CSMD1: variants seen among roughly 807,000 people sequenced by gnomAD.
CSMD1 encodes the protein CUB and Sushi multiple domains 1, also known as CUB and sushi domain-containing protein 1.
In CSMD1, 213 loss-of-function variants were observed where a neutral mutation model predicts 417.5. The observed-to-expected ratio is 0.51, with a 90% CI of 0.46 to 0.57. The LOEUF (loss-of-function observed/expected upper bound fraction) is 0.57. Among genes scored for constraint, CSMD1 ranks in the 20% least tolerant of loss-of-function variants. CSMD1 has a pLI of 0.00. For missense variants in CSMD1, 6,923 were observed against 4,529.7 expected (o/e 1.53, Z -15.17); for synonymous variants, 2,862 against 1,736.8 (o/e 1.65, Z -16.11).
chr8:3,536,558 G>A (rs961044186), intron 10 of CSMD1, among the ~76,000 whole-genome samples: 4 of 152,160 alleles, frequency 2.6e-5, no homozygotes, highest in South Asian at 4.2e-4. Flanking sequence ...CCTGGTTCCT[G>A]GTAGAAATTC....
chr8:3,999,429 T>C (rs537123561), intron 4 of CSMD1, among the ~76,000 whole-genome samples: 1 of 152,204 alleles, frequency 6.6e-6, no homozygotes, highest in Non-Finnish European at 1.5e-5. Flanking sequence ...AGTTCCAATA[T>C]TTCTTTCATC....
At chr8:4,157,391 G>A (rs1009575907) in intron 3 of CSMD1, among the ~76,000 whole-genome samples, 1 of 152,268 alleles carries the variant, frequency 6.6e-6, no homozygotes, top group Admixed American at 6.5e-5. Context: ...CAGCTCAAAG[G>A]TTGAATTGAA....
chr8:3,394,155 A>G (rs1242558746), intron 17 of CSMD1, among the ~76,000 whole-genome samples: 2 of 145,552 alleles, frequency 1.4e-5, no homozygotes, highest in Non-Finnish European at 1.5e-5. Context: ...TAAACACAGG[A>G]TAAATGAAAA....
intron 3 of CSMD1, among the ~76,000 whole-genome samples, chr8:4,163,629 C>G (rs756825315): frequency 6.6e-6 from 1 of 151,998 alleles, no homozygotes; most frequent in African/African-American, 2.4e-5. Context: ...TGTTGACTAT[C>G]TACATATGGT....
chr8:3,686,908 G>C (rs749533900), intron 7 of CSMD1, among the ~76,000 whole-genome samples: 6 of 152,134 alleles, frequency 3.9e-5, no homozygotes, highest in Non-Finnish European at 8.8e-5. Context: ...GGCCGTAAGA[G>C]GACAGAGTAG....
At position 4,806,709 on chromosome 8, in the gene CSMD1, T is replaced by G. The variant is rs573725306; in HGVS notation, c.86-169151A>C. ...GTGCCTGTGAGTTTCATGTAGAGTA[T>G]GCTTTGTTGAGCCCATTCATTGAAC... On this transcript the variant is annotated intron_variant, in intron 1 of 69. Coordinates refer to ENST00000635120, the MANE Select transcript of CSMD1 (RefSeq NM_033225.6). Among the ~76,000 whole-genome samples the G allele has an allele frequency of 6.6e-5, 10 of 152,354 alleles. No homozygotes were observed. In the South Asian group the frequency reaches 1.7e-3, roughly 25 times the overall value.
chr8:4,451,730 TACA>T (rs756846012), intron 2 of CSMD1, among the ~76,000 whole-genome samples: 5 of 151,988 alleles, frequency 3.3e-5, no homozygotes, highest in African/African-American at 4.8e-5. Context: ...TAAAACAAAT[TACA>T]ACAACAAGGC....
intron 21 of CSMD1, among the ~76,000 whole-genome samples, chr8:3,354,919 C>CTATCTATATATATCTA (rs1808671478): frequency 7.1e-6 from 1 of 141,572 alleles, no homozygotes; most frequent in South Asian, 2.2e-4. Context: ...ATAGATATGT[C>CTATCTATATATATCTA]TATCTATAGA....
At chr8:4,328,042 G>C (rs1028733011) in intron 3 of CSMD1, among the ~76,000 whole-genome samples, 10 of 152,006 alleles carry the variant, frequency 6.6e-5, no homozygotes, top group African/African-American at 2.4e-5. Context: ...TCAGTTATTG[G>C]TGATCCAAGT....
intron 3 of CSMD1, among the ~76,000 whole-genome samples, chr8:4,189,803 T>C (rs1008547274): frequency 2.0e-5 from 3 of 152,172 alleles, no homozygotes; most frequent in Admixed American, 6.5e-5. Context: ...CTTGTTGCCA[T>C]ATATTAAGGT....
intron 2 of CSMD1, among the ~76,000 whole-genome samples, chr8:4,571,669 G>A (rs2959177): frequency 0.41 from 61,605 of 151,888 alleles, 13,159 homozygotes; most frequent in East Asian, 0.53. Context: ...CTGAGTTCAA[G>A]TCCTGAATAT....
At chr8:4,532,713 G>C (rs913920369) in intron 2 of CSMD1, among the ~76,000 whole-genome samples, 2 of 117,014 alleles carry the variant, frequency 1.7e-5, no homozygotes, top group African/African-American at 6.7e-5. Flanking sequence ...AAGAAATCCT[G>C]CACCCCCATT....
chr8:4,311,196 A>C (rs768092879), intron 3 of CSMD1, among the ~76,000 whole-genome samples: 1 of 152,206 alleles, frequency 6.6e-6, no homozygotes, highest in Admixed American at 6.5e-5. Flanking sequence ...AGACACATGC[A>C]CGTGAATGTT....
intron 1 of CSMD1, among the ~76,000 whole-genome samples, chr8:4,745,813 C>T (rs1263260694): frequency 2.0e-5 from 3 of 152,084 alleles, no homozygotes; most frequent in African/African-American, 7.2e-5. Context: ...GATGCTAGTA[C>T]AAATGAGGGG....
rs139004522 is a variant in CSMD1 at position 4,210,016 on chromosome 8, G to C, written c.416-177917C>G. Reference sequence around the variant, plus strand: ...CTGCTTCTGCCCCAGATCTGTTTTAGCTAGTTCTCTATTTGGTCCAGTGTC... The same window carrying C: ...CTGCTTCTGCCCCAGATCTGTTTTACCTAGTTCTCTATTTGGTCCAGTGTC... On this transcript the variant is annotated intron_variant, in intron 3 of 69. Coordinates refer to ENST00000635120, the MANE Select transcript of CSMD1 (RefSeq NM_033225.6). Among the ~76,000 whole-genome samples, 163 of 152,268 alleles carry C rather than the reference G, an allele frequency of 1.1e-3. 1 individual carries two copies. Among genetic ancestry groups the C allele is most frequent in the African/African-American group, 3.6e-3 (149 of 41,560 alleles).
rs571122704 is a variant in CSMD1 at position 4,514,064 on chromosome 8, A to C, written c.303-93999T>G. Reference sequence around the variant, plus strand: ...ACAAACTAGGTAGCTTAAACAACAAAATTTTTATTTTATTATTATTATTAT... The same window carrying C: ...ACAAACTAGGTAGCTTAAACAACAACATTTTTATTTTATTATTATTATTAT... On this transcript the variant is annotated intron_variant, in intron 2 of 69. Coordinates refer to ENST00000635120, the MANE Select transcript of CSMD1 (RefSeq NM_033225.6). 2.4e-3 allele frequency among the ~76,000 whole-genome samples: 367 copies of C among 152,152 alleles called. 3 individuals are homozygous for C. Among genetic ancestry groups the C allele is most frequent in the African/African-American group, 8.7e-3 (360 of 41,518 alleles).
In CSMD1 at chr8:4,250,233, T is replaced by C. The variant is rs78397179; in HGVS notation, c.415+169720A>G. On this transcript the variant is annotated intron_variant, in intron 3 of 69. Coordinates refer to ENST00000635120, the MANE Select transcript of CSMD1 (RefSeq NM_033225.6). Reference sequence around the variant, plus strand: ...TAGTATTTTGTTACAACAACACAAATGTACTAAGACAACCTGCAAGAACAA... The same window carrying C: ...TAGTATTTTGTTACAACAACACAAACGTACTAAGACAACCTGCAAGAACAA... Among the ~76,000 whole-genome samples, 367 of 152,304 alleles carry C rather than the reference T, an allele frequency of 2.4e-3. 2 individuals are homozygous for C. Among genetic ancestry groups the C allele is most frequent in the African/African-American group, 8.6e-3 (357 of 41,566 alleles).
chr8:3,048,606 T>C (rs1387601153), intron 50 of CSMD1, among the ~76,000 whole-genome samples: 1 of 152,268 alleles, frequency 6.6e-6, no homozygotes, highest in African/African-American at 2.4e-5. Context: ...CACACCCACA[T>C]ATAAAGTTCA....
intron 33 of CSMD1, among the ~76,000 whole-genome samples, chr8:3,195,717 G>C (rs1796668937): frequency 6.6e-6 from 1 of 152,118 alleles, no homozygotes. Context: ...GAACACTCGA[G>C]GAATTCCCGG....
Sources: allele counts gnomAD v4.1 joint callset (sites outside exome capture counted in the v4.1 genomes callset), GRCh38; gene constraint gnomAD v4.1.1; transcripts MANE v1.5; gene names NCBI Gene and HGNC (gene_info 2026-07-23, HGNC 2026-07-21).